Variants in DCAF4 observed in about 807,000 individuals in gnomAD.
The protein encoded by DCAF4 is DDB1 and CUL4 associated factor 4.
A neutral mutation model predicts 60.9 loss-of-function variants in DCAF4; 37 were observed. The ratio of observed to expected loss-of-function variants is 0.61; its 90% CI spans 0.47 to 0.80. The LOEUF (loss-of-function observed/expected upper bound fraction) is 0.80, where lower values mean the gene tolerates loss of function less well. Ranked by LOEUF, DCAF4 falls within the 30% of genes least tolerant of loss-of-function variation. DCAF4 has a pLI of 0.00. For missense variants in DCAF4, 577 were observed against 650.0 expected (o/e 0.89, Z 1.22); for synonymous variants, 243 against 254.8 (o/e 0.95, Z 0.44).
intron 7 of DCAF4, 50 bp from the exon 8 acceptor site, chr14:72,947,092 G>A: frequency 6.2e-7 from 1 of 1,608,886 alleles, no homozygotes; most frequent in Non-Finnish European, 8.5e-7. Flanking sequence ...CCACAGGAAA[G>A]CATATTACTG....
intron 1 of DCAF4, 75 bp downstream of exon 1, chr14:72,926,618 T>G (rs1887582456): frequency 7.5e-6 from 1 of 132,690 alleles, no homozygotes; most frequent in Admixed American, 7.5e-5. Flanking sequence ...GAGCTCGGGG[T>G]GGGAGACAGG....
Position 72,928,187 on chromosome 14 carries a change from CTTTTTTTT to C in DCAF4, c.-9+1660_-9+1667del, listed in dbSNP as rs565229070. On this transcript the variant is annotated intron_variant, in intron 1 of 13. Transcript: ENST00000358377. ...CCCGCTAGTCTACAGAATCCCCCCA[CTTTTTTTT>C]TTTTTTTTTTTTTTTGATACGGAAT... Among the ~76,000 whole-genome samples the C allele has an allele frequency of 1.2e-4, 8 of 67,276 alleles. 1 individual carries two copies. Among genetic ancestry groups the C allele is most frequent in the South Asian group, 1.3e-3 (2 of 1,562 alleles). 44.1% of individuals were successfully genotyped at this position (67,276 alleles called of 152,430 possible). A position where few individuals can be genotyped will look rare whatever the true frequency, so the allele number is the denominator to read the frequency against.
Position 72,959,556 on chromosome 14 carries a change from C to G in DCAF4, c.*751C>G. 3.0e-6 allele frequency: 3 copies of G among 985,458 alleles called. No individual in the cohort carries two copies. The highest frequency in any genetic ancestry group is 3.6e-6 in the Non-Finnish European group (3 of 829,928). The allele number at this position is 985,458 out of a possible 1,614,324, so 61.0% of individuals were successfully genotyped here. ...CGGCGTCAAAGGAAATTGGTTTTGA[C>G]TTTTTGTAATCTAGGAGCGACAGTT... On this transcript the variant is annotated 3_prime_UTR_variant, in exon 14 of 14. Transcript: ENST00000358377.
chr14:72,953,763 AGT>A lies in DCAF4; in HGVS notation c.809-400_809-399del, dbSNP rs1459066587. The stretch of plus-strand genomic sequence containing the variant: ...TATATATATATATATATATATATAT[AGT>A]TTATTTATTTATTTATTTGTGTGTG... On this transcript the variant is annotated intron_variant, in intron 9 of 13. Transcript: ENST00000358377. Among the ~76,000 whole-genome samples, 65 of 38,128 alleles carry A rather than the reference AGT, an allele frequency of 1.7e-3. 4 individuals carry two copies. The highest frequency in any genetic ancestry group is 0.012 in the Middle Eastern group (1 of 84). The allele number at this position is 38,128 out of a possible 152,430, so 25.0% of individuals were successfully genotyped here. A position where few individuals can be genotyped will look rare whatever the true frequency, so the allele number is the denominator to read the frequency against.
intron 1 of DCAF4, among the ~76,000 whole-genome samples, chr14:72,928,449 C>T (rs952980527): frequency 1.3e-5 from 2 of 151,564 alleles, no homozygotes; most frequent in African/African-American, 4.9e-5. Flanking sequence ...CCCGCCTCGG[C>T]CTCCCAAAGT....
At chr14:72,952,691 CTT>C (rs1215172512) in intron 9 of DCAF4, among the ~76,000 whole-genome samples, 23 of 105,160 alleles carry the variant, frequency 2.2e-4, no homozygotes, top group South Asian at 3.2e-4. Flanking sequence ...CTTGTCTTGT[CTT>C]TTTTTTTTTT....
chr14:72,946,996 C>CA, intron 7 of DCAF4, 146 bp from the exon 8 acceptor site: 1 of 1,047,296 alleles, frequency 9.5e-7, no homozygotes, highest in Non-Finnish European at 1.5e-6. Flanking sequence ...GCTTAAGCCC[C>CA]ACCCTCAGAA....
intron 1 of DCAF4, among the ~76,000 whole-genome samples, chr14:72,936,449 AG>A (rs1889281152): frequency 6.6e-6 from 1 of 151,996 alleles, no homozygotes; most frequent in South Asian, 2.1e-4. Flanking sequence ...CTGTAGTCCC[AG>A]CTACTCGGGA....
intron 11 of DCAF4, 51 bp downstream of exon 11, chr14:72,954,534 T>A: frequency 6.3e-7 from 1 of 1,577,976 alleles, no homozygotes; most frequent in Non-Finnish European, 8.7e-7. Flanking sequence ...CATGTAGAAA[T>A]TTGGCCAGAT....
rs1246399602 is a variant in DCAF4 at position 72,953,785 on chromosome 14, TGTGTGTG to T, written c.809-378_809-372del. Among the ~76,000 whole-genome samples, 26 of 5,532 alleles carry T rather than the reference TGTGTGTG, an allele frequency of 4.7e-3. 3 individuals are homozygous for T. Among genetic ancestry groups the T allele is most frequent in the Non-Finnish European group, 0.01 (21 of 2,016 alleles). The allele number at this position is 5,532 out of a possible 152,430, so 3.6% of individuals were successfully genotyped here. A position where few individuals can be genotyped will look rare whatever the true frequency, so the allele number is the denominator to read the frequency against. On this transcript the variant is annotated intron_variant, in intron 9 of 13. Coordinates refer to ENST00000358377, the MANE Select transcript of DCAF4 (RefSeq NM_015604.4). The stretch of plus-strand genomic sequence containing the variant: ...TATAGTTTATTTATTTATTTATTTG[TGTGTGTG>T]TGTGTGTGTGTGTGTGTGTGTGTGT...
At chr14:72,956,950 C>T (rs964110377) in intron 13 of DCAF4, 9 of 204,640 alleles carry the variant, frequency 4.4e-5, no homozygotes, top group South Asian at 3.0e-4. Flanking sequence ...CGGTGGCTCA[C>T]GCCCGTAATC....
chr14:72,958,869 C>T lies in DCAF4; in HGVS notation c.*64C>T. Reference sequence around the variant, plus strand: ...TACGGGAGTAAAGCGTAACTTTTTACTGCATCTAATGAGGGTGTTTTAAGT... The same window carrying T: ...TACGGGAGTAAAGCGTAACTTTTTATTGCATCTAATGAGGGTGTTTTAAGT... On this transcript the variant is annotated 3_prime_UTR_variant, in exon 14 of 14. Transcript: ENST00000358377. The T allele has an allele frequency of 6.6e-7, 1 of 1,507,922 alleles. No individual in the cohort carries two copies. The highest frequency in any genetic ancestry group is 8.8e-7 in the Non-Finnish European group (1 of 1,131,650). The allele number at this position is 1,507,922 out of a possible 1,614,324, so 93.4% of individuals were successfully genotyped here.
intron 5 of DCAF4, chr14:72,942,043 A>ATAGGGAGAGAGGATGGGGACG: frequency 2.0e-6 from 1 of 500,444 alleles, no homozygotes; most frequent in Non-Finnish European, 3.5e-6. Flanking sequence ...TTGCAGGAGG[A>ATAGGGAGAGAGGATGGGGACG]TAGGGAGAGA....
chr14:72,951,745 C>G, intron 8 of DCAF4, 53 bp from the exon 9 acceptor site: 1 of 1,562,994 alleles, frequency 6.4e-7, no homozygotes, highest in Non-Finnish European at 8.8e-7. Flanking sequence ...AATGTCCATG[C>G]CTCCTCCCAG....
intron 1 of DCAF4, among the ~76,000 whole-genome samples, chr14:72,934,564 A>G (rs1261361775): frequency 6.6e-6 from 1 of 152,142 alleles, no homozygotes; most frequent in Non-Finnish European, 1.5e-5. Flanking sequence ...TGCTGGGATT[A>G]CAGGCGTGAA....
chr14:72,961,505 G>A (rs2036859674), downstream of DCAF4, among the ~76,000 whole-genome samples: 1 of 152,134 alleles, frequency 6.6e-6, no homozygotes, highest in South Asian at 2.1e-4. Flanking sequence ...TTCCACATGG[G>A]TCAGAGACAA....
chr14:72,938,997 G>A (rs974340495), intron 2 of DCAF4, among the ~76,000 whole-genome samples: 1 of 151,760 alleles, frequency 6.6e-6, no homozygotes, highest in Non-Finnish European at 1.5e-5. Context: ...GCCTCCCAAA[G>A]TGCTGGGATT....
intron 4 of DCAF4, among the ~76,000 whole-genome samples, chr14:72,940,889 C>G (rs113214080): frequency 6.6e-6 from 1 of 152,122 alleles, no homozygotes; most frequent in Non-Finnish European, 1.5e-5. Flanking sequence ...CCACACCCAG[C>G]CTTCTTCAGC....
chr14:72,934,106 T>C (rs777705217), intron 1 of DCAF4, among the ~76,000 whole-genome samples: 8 of 149,166 alleles, frequency 5.4e-5, no homozygotes, highest in Non-Finnish European at 1.0e-4. Context: ...GCTCTGGCCA[T>C]ACCAAACAGC....
Sources: allele counts gnomAD v4.1 joint callset (sites outside exome capture counted in the v4.1 genomes callset), GRCh38; gene constraint gnomAD v4.1.1; transcripts MANE v1.5; gene names NCBI Gene and HGNC (gene_info 2026-07-23, HGNC 2026-07-21).